SEM1: variants seen among roughly 807,000 people sequenced by gnomAD.
SEM1 encodes the protein SEM1 26S proteasome subunit.
Under a neutral mutation model 12.7 loss-of-function variants are expected in SEM1, and 3 were observed. The ratio of observed to expected loss-of-function variants is 0.24; its 90% CI spans 0.11 to 0.61. The LOEUF (loss-of-function observed/expected upper bound fraction) is 0.61. Ranked by LOEUF, SEM1 falls within the 20% of genes least tolerant of loss-of-function variation. SEM1 has a pLI of 0.88. For missense variants in SEM1, 59 were observed against 81.3 expected, an observed-to-expected ratio of 0.73 and a Z score of 1.06; for synonymous variants, 30 against 27.8, an observed-to-expected ratio of 1.08 and a Z score of -0.25.
At chr7:96,522,137 T>C (rs1804293791) in intron 2 of SEM1, among the ~76,000 whole-genome samples, 1 of 152,076 alleles carries the variant, frequency 6.6e-6, no homozygotes, top group Non-Finnish European at 1.5e-5. Context: ...GAAGTCAATG[T>C]TAGTATTTTG....
At chr7:96,702,599 C>T (rs547269841) in intron 1 of SEM1, among the ~76,000 whole-genome samples, 1 of 152,206 alleles carries the variant, frequency 6.6e-6, no homozygotes, top group East Asian at 1.9e-4. Flanking sequence ...TCCACTAGTC[C>T]ACACTGCTAT....
chr7:96,705,853 A>G (rs528039070), intron 1 of SEM1, among the ~76,000 whole-genome samples: 1 of 152,068 alleles, frequency 6.6e-6, no homozygotes, highest in African/African-American at 2.4e-5. Flanking sequence ...TAAATTATAG[A>G]CTACTTCAGT....
chr7:96,651,277 A>G (rs1808974581), intron 2 of SEM1, among the ~76,000 whole-genome samples: 1 of 152,198 alleles, frequency 6.6e-6, no homozygotes, highest in African/African-American at 2.4e-5. Flanking sequence ...CTTTTAAATC[A>G]TGATTTCCCT....
intron 2 of SEM1, among the ~76,000 whole-genome samples, chr7:96,524,074 G>A (rs1804369412): frequency 6.6e-6 from 1 of 152,072 alleles, no homozygotes; most frequent in South Asian, 2.1e-4. Flanking sequence ...CACTTCTTAT[G>A]TAGACTTTTT....
At chr7:96,676,826 A>G (rs1001819851) in intron 2 of SEM1, among the ~76,000 whole-genome samples, 1 of 152,208 alleles carries the variant, frequency 6.6e-6, no homozygotes, top group Non-Finnish European at 1.5e-5. Context: ...GAAATTAGAG[A>G]GTCACCACAC....
intron 2 of SEM1, among the ~76,000 whole-genome samples, chr7:96,549,270 T>C (rs1487647355): frequency 2.0e-5 from 3 of 152,170 alleles, no homozygotes; most frequent in African/African-American, 7.2e-5. Flanking sequence ...AAGAAGCCCC[T>C]CAGTCCCCGG....
Position 96,486,274 on chromosome 7 carries a change from GGCCGGAT to G in SEM1, c.149_155del (p.His50ProfsTer7). 1 of 1,537,076 alleles carries G rather than the reference GGCCGGAT, an allele frequency of 6.5e-7. No homozygotes were observed. Among genetic ancestry groups the G allele is most frequent in the Non-Finnish European group, 8.7e-7 (1 of 1,146,852 alleles). On this transcript the variant is annotated frameshift_variant, in exon 2 of 4. Coordinates refer to the SEM1 transcript ENST00000356686. LOFTEE classifies it high-confidence loss of function. ...CCAAGTTTATCTGTTGCTTTGCAAA[GGCCGGAT>G]GCTTACTCTCATGGATCCAGGGTCC... is the stretch of plus-strand genomic sequence containing the variant.
At chr7:96,534,752 T>G (rs755704083) in intron 2 of SEM1, among the ~76,000 whole-genome samples, 1 of 152,054 alleles carries the variant, frequency 6.6e-6, no homozygotes, top group African/African-American at 2.4e-5. Context: ...GAGAATCCAC[T>G]TACCTTGTAT....
At chr7:96,520,165 C>T (rs530176617) in intron 2 of SEM1, among the ~76,000 whole-genome samples, 4 of 152,254 alleles carry the variant, frequency 2.6e-5, no homozygotes, top group African/African-American at 7.2e-5. Context: ...GATATGATGA[C>T]AGAGTATGCC....
chr7:96,707,231 T>C (rs934289547), intron 1 of SEM1, among the ~76,000 whole-genome samples: 1 of 152,238 alleles, frequency 6.6e-6, no homozygotes, highest in African/African-American at 2.4e-5. Context: ...TAACAGACTC[T>C]AAACCTTGAC....
intron 2 of SEM1, among the ~76,000 whole-genome samples, chr7:96,693,709 A>G (rs1421799655): frequency 2.0e-5 from 3 of 151,660 alleles, no homozygotes; most frequent in Admixed American, 2.0e-4. Flanking sequence ...ACAGCTTGGC[A>G]GCTCCTCAAA....
At chr7:96,598,719 C>G (rs1807085948) in intron 2 of SEM1, among the ~76,000 whole-genome samples, 1 of 152,044 alleles carries the variant, frequency 6.6e-6, no homozygotes, top group Non-Finnish European at 1.5e-5. Flanking sequence ...GTAGAACTAC[C>G]ATGTCTTTTT....
Position 96,496,142 on chromosome 7 carries a change from C to T in SEM1, c.12+142G>A, listed in dbSNP as rs115235397. ...CAAAAGCATCAGAATACCCAGAGCT[C>T]GATTTGACTAAAACCAAACATTCAT... On this transcript the variant is annotated intron_variant, in intron 1 of 3. Coordinates refer to the SEM1 transcript ENST00000356686. The T allele has an allele frequency of 3.0e-3, 1,557 of 516,440 alleles. 26 individuals carry two copies. The highest frequency in any genetic ancestry group is 0.027 in the African/African-American group (1,392 of 51,164). 32.0% of individuals were successfully genotyped at this position (516,440 alleles called of 1,614,324 possible).
At chr7:96,592,090 G>C (rs575127894) in intron 2 of SEM1, among the ~76,000 whole-genome samples, 2 of 151,972 alleles carry the variant, frequency 1.3e-5, no homozygotes, top group Non-Finnish European at 2.9e-5. Context: ...GTATTATCAG[G>C]ACAGAGAACA....
chr7:96,582,910 T>C (rs373702454), intron 2 of SEM1, among the ~76,000 whole-genome samples: 6,202 of 152,206 alleles, frequency 0.041, 269 homozygotes, highest in Admixed American at 0.13. Flanking sequence ...TTGTTGATCC[T>C]TTCAAAAAAC....
chr7:96,500,449 T>C (rs1277936784), upstream of SEM1, among the ~76,000 whole-genome samples: 1 of 152,102 alleles, frequency 6.6e-6, no homozygotes, highest in Non-Finnish European at 1.5e-5. Context: ...TAATCAAGTC[T>C]ATATGAACTT....
chr7:96,619,641 T>C (rs1171694754), downstream of SEM1, among the ~76,000 whole-genome samples: 1 of 152,002 alleles, frequency 6.6e-6, no homozygotes, highest in East Asian at 1.9e-4. Context: ...CTCAGACCTC[T>C]GGGCAGTTGG....
In SEM1 at chr7:96,706,570, CAAAAAAAAA is replaced by C. The variant is rs67892273; in HGVS notation, c.76+3109_76+3117del. Among the ~76,000 whole-genome samples the C allele has an allele frequency of 4.1e-4, 32 of 78,068 alleles. No homozygotes were observed. In the South Asian group the frequency reaches 0.01, roughly 25 times the overall value. The allele number at this position is 78,068 out of a possible 152,430, so 51.2% of individuals were successfully genotyped here. ...AGAGTGAAACTCCATCTCAAACAAACAAAAAAAAAAAAAAAAAAAAAAAAAGAGAGAGAG... is the reference window on the plus strand; with the variant it reads ...AGAGTGAAACTCCATCTCAAACAAACAAAAAAAAAAAAAAAAGAGAGAGAG... On this transcript the variant is annotated intron_variant, in intron 1 of 2. Coordinates refer to ENST00000248566, the MANE Select transcript of SEM1 (RefSeq NM_006304.2).
At chr7:96,695,881 T>C (rs576142213) in intron 1 of SEM1, 19 of 152,022 alleles carry the variant, frequency 1.2e-4, no homozygotes, top group African/African-American at 4.1e-4. Context: ...AAGCCAGAAA[T>C]ATAAAATAAT....
Sources: gnomAD v4.1 joint callset for allele counts (sites outside exome capture counted in the v4.1 genomes callset) on GRCh38, gnomAD v4.1.1 for gene constraint, MANE v1.5 for transcripts, NCBI Gene and HGNC (gene_info 2026-07-23, HGNC 2026-07-21) for gene names.